Variants in TAFA2 observed in about 807,000 individuals in gnomAD.
TAFA2 encodes TAFA chemokine like family member 2.
In TAFA2, 7 loss-of-function variants were observed where a neutral mutation model predicts 18.8. The ratio of observed to expected loss-of-function variants is 0.37; its 90% CI spans 0.21 to 0.70. The LOEUF (loss-of-function observed/expected upper bound fraction) is 0.70, where lower values mean the gene tolerates loss of function less well. Ranked by LOEUF, TAFA2 falls within the 30% of genes least tolerant of loss-of-function variation. The probability of loss-of-function intolerance (pLI) is 0.53; values close to 1 mark genes in which losing one functional copy is unlikely to be tolerated. For missense variants in TAFA2, 122 were observed against 158.1 expected (o/e 0.77, Z 1.23); for synonymous variants, 60 against 54.2 (o/e 1.11, Z -0.47).
At chr12:62,201,263 C>G (rs2062669490) in intron 1 of TAFA2, among the ~76,000 whole-genome samples, 1 of 152,154 alleles carries the variant, frequency 6.6e-6, no homozygotes, top group Non-Finnish European at 1.5e-5. Flanking sequence ...CTGGCCAGAA[C>G]TTCCAATACT....
At chr12:61,804,965 T>G (rs192321698) in intron 2 of TAFA2, among the ~76,000 whole-genome samples, 234 of 151,992 alleles carry the variant, frequency 1.5e-3, no homozygotes, top group Admixed American at 2.4e-3. Context: ...ATAAAAATAA[T>G]CAAACATACT....
chr12:61,955,660 T>TATATATATA lies in TAFA2; in HGVS notation c.-1-88243_-1-88235dup, dbSNP rs1878668583. Among the ~76,000 whole-genome samples, 3 of 110,870 alleles carry TATATATATA rather than the reference T, an allele frequency of 2.7e-5. 1 individual carries two copies. The highest frequency in any genetic ancestry group is 5.4e-5 in the Non-Finnish European group (3 of 55,318). 72.7% of individuals were successfully genotyped at this position (110,870 alleles called of 152,430 possible). On this transcript the variant is annotated intron_variant, in intron 1 of 4. Coordinates refer to ENST00000416284, the MANE Select transcript of TAFA2 (RefSeq NM_178539.5). ...ATATATATATATATATATATATATA[T>TATATATATA]ATATATATATTTAATTTTAAAAATT...
At chr12:61,874,767 A>G (rs1443194729) in intron 1 of TAFA2, among the ~76,000 whole-genome samples, 1 of 152,152 alleles carries the variant, frequency 6.6e-6, no homozygotes, top group Non-Finnish European at 1.5e-5. Flanking sequence ...TAAAGCAATC[A>G]TTTACGATTT....
chr12:62,019,749 A>G (rs1881064540), intron 1 of TAFA2, among the ~76,000 whole-genome samples: 1 of 151,936 alleles, frequency 6.6e-6, no homozygotes, highest in Non-Finnish European at 1.5e-5. Context: ...CAGCACACCA[A>G]CATGGCACAT....
intron 1 of TAFA2, among the ~76,000 whole-genome samples, chr12:62,051,604 T>C (rs1468945407): frequency 6.6e-6 from 1 of 151,834 alleles, no homozygotes; most frequent in African/African-American, 2.4e-5. Flanking sequence ...TCAATGTAAT[T>C]CGTTTACTTA....
intron 1 of TAFA2, among the ~76,000 whole-genome samples, chr12:62,054,601 C>T (rs2136778826): frequency 6.6e-6 from 1 of 152,296 alleles, no homozygotes; most frequent in Non-Finnish European, 1.5e-5. Flanking sequence ...TTTAGAACCT[C>T]ATAAACTTTG....
At chr12:61,932,324 G>T (rs1195077479) in intron 1 of TAFA2, among the ~76,000 whole-genome samples, 4 of 152,276 alleles carry the variant, frequency 2.6e-5, no homozygotes, top group Admixed American at 1.3e-4. Flanking sequence ...AAACTTTAAG[G>T]TAGTAACCCT....
chr12:62,216,737 T>C (rs1279768495), intron 1 of TAFA2, among the ~76,000 whole-genome samples: 2 of 152,238 alleles, frequency 1.3e-5, no homozygotes, highest in Non-Finnish European at 2.9e-5. Context: ...TAGGTGTATA[T>C]GTTTACAGTC....
chr12:62,051,239 C>A (rs569403790), intron 1 of TAFA2, among the ~76,000 whole-genome samples: 1 of 152,332 alleles, frequency 6.6e-6, no homozygotes, highest in South Asian at 2.1e-4. Flanking sequence ...CCCAGTGAGG[C>A]ATACAGATTG....
chr12:62,147,536 T>C (rs894235645), intron 1 of TAFA2, among the ~76,000 whole-genome samples: 4 of 149,920 alleles, frequency 2.7e-5, no homozygotes, highest in African/African-American at 4.9e-5. Flanking sequence ...AAGACCATCC[T>C]GGCTAACACA....
At chr12:61,846,473 C>T (rs1376221108) in intron 2 of TAFA2, among the ~76,000 whole-genome samples, 2 of 152,070 alleles carry the variant, frequency 1.3e-5, no homozygotes, top group Non-Finnish European at 2.9e-5. Flanking sequence ...ACTAACAAGA[C>T]AATTTCTTGT....
chr12:61,907,278 G>T (rs1876399086), intron 1 of TAFA2, among the ~76,000 whole-genome samples: 1 of 152,184 alleles, frequency 6.6e-6, no homozygotes, highest in Non-Finnish European at 1.5e-5. Flanking sequence ...TGTGGGCTGG[G>T]CCCAGTGCCC....
At chr12:62,255,041 C>T (rs1248764690) in intron 1 of TAFA2, 1 of 152,138 alleles carries the variant, frequency 6.6e-6, no homozygotes. Flanking sequence ...GATCCATGAG[C>T]ATAAAATAAT....
intron 2 of TAFA2, among the ~76,000 whole-genome samples, chr12:61,765,874 T>C (rs758091624): frequency 9.2e-5 from 14 of 152,042 alleles, no homozygotes; most frequent in Admixed American, 2.0e-4. Flanking sequence ...GAAAACATAA[T>C]CCTAATTCTA....
intron 1 of TAFA2, among the ~76,000 whole-genome samples, chr12:62,052,959 G>A (rs1882094673): frequency 6.6e-6 from 1 of 152,170 alleles, no homozygotes; most frequent in Non-Finnish European, 1.5e-5. Flanking sequence ...ACTAGCACTG[G>A]CTAAAAGGTG....
chr12:61,801,393 C>T (rs1034392706), intron 2 of TAFA2, among the ~76,000 whole-genome samples: 7 of 151,858 alleles, frequency 4.6e-5, no homozygotes, highest in Admixed American at 2.6e-4. Flanking sequence ...ATATAGTAAC[C>T]GAAACAGCAT....
chr12:62,041,846 CA>C (rs2136760344), intron 1 of TAFA2, among the ~76,000 whole-genome samples: 1 of 151,974 alleles, frequency 6.6e-6, no homozygotes, highest in South Asian at 2.1e-4. Context: ...AGATTTTTTT[CA>C]AAGATTATCC....
chr12:62,190,037 T>C (rs2062612381), intron 1 of TAFA2, among the ~76,000 whole-genome samples: 2 of 151,426 alleles, frequency 1.3e-5, no homozygotes, highest in Non-Finnish European at 2.9e-5. Context: ...CAAGAGGGGA[T>C]TTCATACTCA....
intron 1 of TAFA2, among the ~76,000 whole-genome samples, chr12:61,906,835 C>T (rs112669347): frequency 1.4e-4 from 22 of 152,294 alleles, no homozygotes; most frequent in African/African-American, 3.1e-4. Context: ...ATGCTTGCTA[C>T]GCTTTAGCAA....
Sources: allele counts gnomAD v4.1 joint callset (sites outside exome capture counted in the v4.1 genomes callset), GRCh38; gene constraint gnomAD v4.1.1; transcripts MANE v1.5; gene names NCBI Gene and HGNC (gene_info 2026-07-23, HGNC 2026-07-21).